SEPTIN12: variants seen among roughly 807,000 people sequenced by gnomAD.
SEPTIN12 encodes septin-12.
SEPTIN12 carries 42 observed loss-of-function variants against 37.7 expected under a neutral mutation model. The observed-to-expected ratio is 1.11, with a 90% CI of 0.87 to 1.44. The LOEUF (loss-of-function observed/expected upper bound fraction) is 1.44, where lower values mean the gene tolerates loss of function less well. Among genes scored for constraint, SEPTIN12 ranks in the 40% most tolerant of loss-of-function variants. The pLI, the probability that SEPTIN12 is intolerant of heterozygous loss-of-function variation, is 0.00. For synonymous variants in SEPTIN12, 254 were observed against 196.7 expected, an observed-to-expected ratio of 1.29 and a Z score of -2.44; for missense variants, 613 against 479.2, an observed-to-expected ratio of 1.28 and a Z score of -2.61.
chr16:4,790,913 T>G (rs1596265027), upstream of SEPTIN12, among the ~76,000 whole-genome samples: 1 of 152,224 alleles, frequency 6.6e-6, no homozygotes, highest in East Asian at 1.9e-4. Flanking sequence ...CACAGTTTGT[T>G]GTCCAAGGTG....
chr16:4,783,374 T>G, intron 7 of SEPTIN12, 88 bp downstream of exon 7: 30 of 1,000,494 alleles, frequency 3.0e-5, no homozygotes, highest in Non-Finnish European at 4.3e-5. Context: ...CACATTTCCC[T>G]GAGATGTAGA....
In SEPTIN12 at chr16:4,777,731, A is replaced by T. The variant is rs1361512455; in HGVS notation, c.*66T>A. 1.1e-5 allele frequency: 12 copies of T among 1,115,014 alleles called. No homozygotes were observed. In the East Asian group the frequency reaches 2.8e-4, roughly 26 times the overall value. 69.1% of individuals were successfully genotyped at this position (1,115,014 alleles called of 1,614,324 possible). On this transcript the variant is annotated 3_prime_UTR_variant, in exon 10 of 10. Coordinates refer to ENST00000268231, the MANE Select transcript of SEPTIN12 (RefSeq NM_144605.5). ...GCTCACATTTAATAGATGCTCTGGT[A>T]CATAGGTGTGTGTTGAGAGCCGCTG... is the stretch of plus-strand genomic sequence containing the variant.
At chr16:4,778,163 G>A (rs377031319) in intron 8 of SEPTIN12, 26 bp from the exon 9 acceptor site, 12 of 1,613,590 alleles carry the variant, frequency 7.4e-6, no homozygotes, top group Non-Finnish European at 9.3e-6. Flanking sequence ...CTCAGTATGG[G>A]CGCTGCTTAG....
At chr16:4,790,508 A>T (rs1362431177), upstream of SEPTIN12, among the ~76,000 whole-genome samples, 1 of 152,136 alleles carries the variant, frequency 6.6e-6, no homozygotes. Context: ...GCTAGGGGTC[A>T]GCCAGGTGCG....
At chr16:4,783,263 G>A in intron 7 of SEPTIN12, 199 bp downstream of exon 7, 3 of 604,666 alleles carry the variant, frequency 5.0e-6, no homozygotes, top group South Asian at 3.8e-5. Flanking sequence ...GTGATTCGCA[G>A]ACATTTTCTC....
chr16:4,783,918 G>C lies in SEPTIN12; in HGVS notation c.512+13C>G, dbSNP rs2082403446. On this transcript the variant is annotated intron_variant, in intron 5 of 9. Transcript: ENST00000268231. ...TGCAGGTGGTCCTCGCCTTGCAGGT[G>C]CAGCCCCCTCACCAGTGCCCAGTGG... 1 of 1,613,882 alleles carries C rather than the reference G, an allele frequency of 6.2e-7. No homozygotes were observed. Among genetic ancestry groups the C allele is most frequent in the African/African-American group, 1.3e-5 (1 of 74,942 alleles).
Position 4,777,850 on chromosome 16 carries a change from G to A in SEPTIN12, c.1024C>T (p.Arg342Trp), listed in dbSNP as rs201762608. 4.4e-5 allele frequency: 70 copies of A among 1,594,686 alleles called. No homozygotes were observed. The Admixed American group carries it at 6.4e-4, about 15-fold the overall frequency. ...GCCCCCCTGCAGACCTTGAAGGTCCGGGGGGTGGTCAGCTGTCCTGGGGAG... is the reference window on the plus strand; with the variant it reads ...GCCCCCCTGCAGACCTTGAAGGTCCAGGGGGTGGTCAGCTGTCCTGGGGAG... ...PASPGQLTTP[R>W]TFKVCRGAHD... The change falls in exon 10 of 10, where the codon CGG (arginine) becomes TGG (tryptophan). Residue 342 changes from arginine (R) to tryptophan (W), a missense_variant. Arg to Trp is a moderately radical substitution (Grantham distance 101). Transcript: ENST00000268231.
chr16:4,791,249 A>C (rs531438012), upstream of SEPTIN12, among the ~76,000 whole-genome samples: 1 of 152,202 alleles, frequency 6.6e-6, no homozygotes, highest in Non-Finnish European at 1.5e-5. Context: ...TGCAGAAAGC[A>C]TGCTGTCATC....
chr16:4,778,962 C>T (rs1032743617), intron 8 of SEPTIN12, among the ~76,000 whole-genome samples: 4 of 151,544 alleles, frequency 2.6e-5, no homozygotes, highest in African/African-American at 9.7e-5. Context: ...CATAGTGAAA[C>T]CCCGTCTCTC....
At chr16:4,784,207 G>T (rs1296661749) in intron 4 of SEPTIN12, 139 bp from the exon 5 acceptor site, 6 of 875,232 alleles carry the variant, frequency 6.9e-6, no homozygotes, top group Admixed American at 2.2e-5. Context: ...GGTCACCCCG[G>T]TACTTTCCCC....
At chr16:4,784,844 T>G (rs1469407436) in intron 4 of SEPTIN12, among the ~76,000 whole-genome samples, 1 of 151,998 alleles carries the variant, frequency 6.6e-6, no homozygotes, top group Admixed American at 6.6e-5. Context: ...GTGCGGTGGC[T>G]TATGCGTGTA....
rs1286134480 is a variant in SEPTIN12, at chr16:4,777,967, G to C, written c.907C>G (p.His303Asp). The stretch of plus-strand genomic sequence containing the variant: ...CGGTAGTTCTCATAGTGGATGTTGT[G>C]GGTTATGTCCTTCAGGTCTTGGAGG... ...SHLQDLKDITHNIHYENYRVI... is the reference protein window; with the variant it reads ...SHLQDLKDITDNIHYENYRVI... Residue 303 changes from histidine (H) to aspartate (D), a missense_variant, in exon 10 of 10, where the codon CAC (histidine) becomes GAC (aspartate). Physicochemically the swap from His to Asp is moderately conservative, Grantham distance 81. Transcript: ENST00000268231. The C allele has an allele frequency of 3.1e-6, 5 of 1,611,472 alleles. No homozygotes were observed. The highest frequency in any genetic ancestry group is 4.2e-6 in the Non-Finnish European group (5 of 1,178,912).
chr16:4,789,664 G>A (rs1027995340), upstream of SEPTIN12, among the ~76,000 whole-genome samples: 4 of 151,930 alleles, frequency 2.6e-5, no homozygotes, highest in African/African-American at 9.7e-5. Context: ...TCACTATGTT[G>A]CCCATGCTGG....
chr16:4,782,317 G>C (rs1358157030), intron 7 of SEPTIN12, among the ~76,000 whole-genome samples: 1 of 152,178 alleles, frequency 6.6e-6, no homozygotes, highest in Non-Finnish European at 1.5e-5. Context: ...CCATGGTAGG[G>C]AATAGGCCGC....
chr16:4,791,725 T>A (rs975877268), upstream of SEPTIN12, among the ~76,000 whole-genome samples: 2 of 152,188 alleles, frequency 1.3e-5, no homozygotes, highest in Admixed American at 1.3e-4. Flanking sequence ...TCTCACTCTG[T>A]CACCCAGGCT....
At position 4,777,639 on chromosome 16, in the gene SEPTIN12, A is replaced by G. The variant is rs2082325367; in HGVS notation, c.*158T>C. 5 of 612,898 alleles carry G rather than the reference A, an allele frequency of 8.2e-6. No homozygotes were observed. The highest frequency in any genetic ancestry group is 1.4e-5 in the Non-Finnish European group (5 of 351,284). 38.0% of individuals were successfully genotyped at this position (612,898 alleles called of 1,614,324 possible). A position where few individuals can be genotyped will look rare whatever the true frequency, so the allele number is the denominator to read the frequency against. On this transcript the variant is annotated 3_prime_UTR_variant, in exon 10 of 10. Coordinates refer to ENST00000268231, the MANE Select transcript of SEPTIN12 (RefSeq NM_144605.5). ...TGACACCCAGCCTTTTTATTTGTGGATAGCTCAAAGAAGTCATTTACAAAA... is the reference window on the plus strand; with the variant it reads ...TGACACCCAGCCTTTTTATTTGTGGGTAGCTCAAAGAAGTCATTTACAAAA...
At chr16:4,784,530 G>A (rs1232651792) in intron 4 of SEPTIN12, among the ~76,000 whole-genome samples, 2 of 150,920 alleles carry the variant, frequency 1.3e-5, no homozygotes, top group East Asian at 2.0e-4. Flanking sequence ...AGCACTTTGG[G>A]AGGCGGAGGC....
rs746258840 is a variant in SEPTIN12, at chr16:4,777,958, G to A, written c.916C>T (p.His306Tyr). 1 of 1,611,096 alleles carries A rather than the reference G, an allele frequency of 6.2e-7. No individual in the cohort carries two copies. Among genetic ancestry groups the A allele is most frequent in the Non-Finnish European group, 8.5e-7 (1 of 1,178,762 alleles). ...CTGATGACGCGGTAGTTCTCATAGTGGATGTTGTGGGTTATGTCCTTCAGG... is the reference window on the plus strand; with the variant it reads ...CTGATGACGCGGTAGTTCTCATAGTAGATGTTGTGGGTTATGTCCTTCAGG... ...QDLKDITHNIHYENYRVIRLN... is the reference protein window; with the variant it reads ...QDLKDITHNIYYENYRVIRLN... Residue 306 changes from histidine to tyrosine, a missense_variant, in exon 10 of 10, where the codon CAC (histidine) becomes TAC (tyrosine). Coordinates refer to ENST00000268231, the MANE Select transcript of SEPTIN12 (RefSeq NM_144605.5).
Position 4,777,745 on chromosome 16 carries a change from T to C in SEPTIN12, c.*52A>G, listed in dbSNP as rs1250315443. 1.1e-4 allele frequency: 136 copies of C among 1,293,812 alleles called. No individual in the cohort carries two copies. The highest frequency in any genetic ancestry group is 1.1e-6 in the Non-Finnish European group (1 of 951,550). The allele number at this position is 1,293,812 out of a possible 1,614,324, so 80.1% of individuals were successfully genotyped here. Reference sequence around the variant, plus strand: ...GATGCTCTGGTACATAGGTGTGTGTTGAGAGCCGCTGGGGACTCAGGAAGC... The same window carrying C: ...GATGCTCTGGTACATAGGTGTGTGTCGAGAGCCGCTGGGGACTCAGGAAGC... On this transcript the variant is annotated 3_prime_UTR_variant, in exon 10 of 10. Coordinates refer to ENST00000268231, the MANE Select transcript of SEPTIN12 (RefSeq NM_144605.5).
Sources: gnomAD v4.1 joint callset for allele counts (sites outside exome capture counted in the v4.1 genomes callset) on GRCh38, gnomAD v4.1.1 for gene constraint, MANE v1.5 for transcripts, NCBI Gene and HGNC (gene_info 2026-07-23, HGNC 2026-07-21) for gene names.